The following FHIT variants were observed in gnomAD, a reference collection of about 807,000 sequenced individuals.
The protein encoded by FHIT is bis(5'-adenosyl)-triphosphatase.
In FHIT, 19 loss-of-function variants were observed where a neutral mutation model predicts 17.9. The ratio of observed to expected loss-of-function variants is 1.06; its 90% confidence interval spans 0.74 to 1.56. The LOEUF is 1.56. FHIT is among the 40% of genes most tolerant of loss of function. The pLI, the probability that FHIT is intolerant of heterozygous loss-of-function variation, is 0.00. For missense variants in FHIT, 248 were observed against 189.2 expected, an observed-to-expected ratio of 1.31 and a Z score of -1.82; for synonymous variants, 81 against 69.7, an observed-to-expected ratio of 1.16 and a Z score of -0.81.
intron 2 of FHIT, among the ~76,000 whole-genome samples, chr3:61,099,376 GT>G (rs141820075): frequency 1.3e-5 from 2 of 151,136 alleles, no homozygotes; most frequent in Admixed American, 6.6e-5. Context: ...TTGGCCTGCA[GT>G]TTTTTTTTGT....
chr3:60,437,636 C>T (rs998436297), intron 5 of FHIT, among the ~76,000 whole-genome samples: 8 of 151,994 alleles, frequency 5.3e-5, no homozygotes, highest in East Asian at 3.9e-4. Context: ...ATTAGGTAAA[C>T]GATACTCAGG....
chr3:60,570,302 A>C (rs1039771318), intron 4 of FHIT, among the ~76,000 whole-genome samples: 1 of 152,190 alleles, frequency 6.6e-6, no homozygotes, highest in East Asian at 1.9e-4. Flanking sequence ...GGACGAATTT[A>C]ATGGGAAAGA....
chr3:60,466,399 C>G (rs2032794560), intron 5 of FHIT, among the ~76,000 whole-genome samples: 1 of 152,018 alleles, frequency 6.6e-6, no homozygotes, highest in Admixed American at 6.6e-5. Flanking sequence ...CTAGCTATGA[C>G]TTCCAGTACT....
intron 4 of FHIT, among the ~76,000 whole-genome samples, chr3:60,627,605 C>A (rs1202584264): frequency 6.6e-6 from 1 of 152,084 alleles, no homozygotes; most frequent in Non-Finnish European, 1.5e-5. Flanking sequence ...CTCACTGAAA[C>A]CTCTGCCTCC....
intron 5 of FHIT, among the ~76,000 whole-genome samples, chr3:60,354,723 C>T (rs774416283): frequency 2.0e-5 from 3 of 152,184 alleles, no homozygotes; most frequent in Admixed American, 6.5e-5. Flanking sequence ...TCTCAAAGTA[C>T]GCCGGTCCAA....
intron 4 of FHIT, among the ~76,000 whole-genome samples, chr3:60,594,914 T>G (rs576061125): frequency 6.6e-6 from 1 of 152,182 alleles, no homozygotes; most frequent in South Asian, 2.1e-4. Context: ...TTCTCCCCTA[T>G]TTGAGGCCAG....
chr3:61,022,916 T>C (rs933845936), intron 3 of FHIT, among the ~76,000 whole-genome samples: 14 of 152,146 alleles, frequency 9.2e-5, no homozygotes, highest in African/African-American at 3.4e-4. Context: ...CTGGAAGCAT[T>C]CCCTTTGAAA....
chr3:60,758,099 C>A (rs111746584), intron 4 of FHIT, among the ~76,000 whole-genome samples: 23 of 152,312 alleles, frequency 1.5e-4, no homozygotes, highest in Non-Finnish European at 2.6e-4. Context: ...CACCCTGTCA[C>A]CTCCAAGCAG....
intron 4 of FHIT, among the ~76,000 whole-genome samples, chr3:60,755,457 A>C (rs996880303): frequency 2.6e-5 from 4 of 152,212 alleles, no homozygotes; most frequent in Non-Finnish European, 4.4e-5. Context: ...TGGCTCACTT[A>C]GGATGACAAT....
chr3:60,353,915 A>G (rs111590186), intron 5 of FHIT, among the ~76,000 whole-genome samples: 1 of 152,148 alleles, frequency 6.6e-6, no homozygotes, highest in East Asian at 1.9e-4. Context: ...AAATTTGGTA[A>G]TATGACCCCA....
intron 8 of FHIT, among the ~76,000 whole-genome samples, chr3:59,880,772 T>A (rs887583571): frequency 6.6e-6 from 1 of 152,236 alleles, no homozygotes; most frequent in African/African-American, 2.4e-5. Context: ...AGACATAAAG[T>A]GAATTAATTC....
chr3:60,048,115 T>A (rs1028908879), intron 5 of FHIT, among the ~76,000 whole-genome samples: 4 of 152,286 alleles, frequency 2.6e-5, no homozygotes, highest in Non-Finnish European at 5.9e-5. Context: ...CCTCCACGTA[T>A]AAGAACATCA....
At chr3:60,443,450 A>G (rs1376614421) in intron 5 of FHIT, among the ~76,000 whole-genome samples, 1 of 152,168 alleles carries the variant, frequency 6.6e-6, no homozygotes, top group Admixed American at 6.6e-5. Flanking sequence ...ACATCCCATC[A>G]ATACCTAATT....
At chr3:59,871,361 G>T (rs1009335073) in intron 8 of FHIT, among the ~76,000 whole-genome samples, 1 of 152,082 alleles carries the variant, frequency 6.6e-6, no homozygotes, top group Non-Finnish European at 1.5e-5. Flanking sequence ...ACTAATATTT[G>T]TAAGAATCTC....
At chr3:60,690,297 G>A in intron 4 of FHIT, 1 of 558,390 alleles carries the variant, frequency 1.8e-6, no homozygotes, top group Non-Finnish European at 3.5e-6. Context: ...AGCGCTCCAT[G>A]GCCTCCACAA....
chr3:60,374,811 T>C lies in FHIT; in HGVS notation c.103+162049A>G, dbSNP rs143514638. 9.3e-3 allele frequency among the ~76,000 whole-genome samples: 1,422 copies of C among 152,256 alleles called. 23 individuals carry two copies. Among genetic ancestry groups the C allele is most frequent in the African/African-American group, 0.032 (1,336 of 41,550 alleles). ...ACGTGATAATAGTTGTGTGGCTGTG[T>C]GTTTTTTAAAAAGTCTATTAAGTAG... On this transcript the variant is annotated intron_variant, in intron 5 of 9. Coordinates refer to ENST00000492590, the MANE Select transcript of FHIT (RefSeq NM_002012.4).
intron 4 of FHIT, among the ~76,000 whole-genome samples, chr3:60,744,265 A>C (rs1338261790): frequency 2.1e-5 from 1 of 47,052 alleles, no homozygotes; most frequent in Non-Finnish European, 4.2e-5. Context: ...AAACAAAACA[A>C]AACAAAAAAA....
intron 5 of FHIT, among the ~76,000 whole-genome samples, chr3:60,484,431 T>A (rs1051193148): frequency 1.1e-4 from 16 of 152,174 alleles, no homozygotes; most frequent in African/African-American, 3.6e-4. Flanking sequence ...ACTACAAGGC[T>A]ACAGTAACCA....
chr3:60,904,644 T>G (rs2107238801), intron 3 of FHIT, among the ~76,000 whole-genome samples: 1 of 152,198 alleles, frequency 6.6e-6, no homozygotes, highest in South Asian at 2.1e-4. Flanking sequence ...CCCTAATATA[T>G]ATTTTAAAAT....
Sources: allele counts gnomAD v4.1 joint callset (sites outside exome capture counted in the v4.1 genomes callset), GRCh38; gene constraint gnomAD v4.1.1; transcripts MANE v1.5; gene names NCBI Gene and HGNC (gene_info 2026-07-23, HGNC 2026-07-21).